Variants in MAPKAP1 observed in about 807,000 individuals in gnomAD.
The protein encoded by MAPKAP1 is target of rapamycin complex 2 subunit MAPKAP1.
MAPKAP1 carries 20 observed loss-of-function variants against 65.7 expected under a neutral mutation model. The observed-to-expected ratio is 0.30, with a 90% CI of 0.21 to 0.44. The LOEUF is 0.44. Ranked by LOEUF, MAPKAP1 falls within the 20% of genes least tolerant of loss-of-function variation. MAPKAP1 has a pLI of 1.00. For missense variants in MAPKAP1, 423 were observed against 648.0 expected (o/e 0.65, Z 3.77); for synonymous variants, 222 against 244.3 (o/e 0.91, Z 0.85).
At chr9:125,641,515 A>G (rs773830425) in intron 4 of MAPKAP1, among the ~76,000 whole-genome samples, 1 of 152,236 alleles carries the variant, frequency 6.6e-6, no homozygotes, top group Non-Finnish European at 1.5e-5. Context: ...TGAGTTTCTT[A>G]TAACTTCCCA....
At chr9:125,652,398 CCT>C (rs1413767396) in intron 4 of MAPKAP1, 14 of 460,098 alleles carry the variant, frequency 3.0e-5, no homozygotes, top group Non-Finnish European at 3.9e-5. Context: ...GAATATTTCC[CCT>C]GATACATTTT....
intron 1 of MAPKAP1, among the ~76,000 whole-genome samples, chr9:125,680,171 C>T (rs2131820834): frequency 6.6e-6 from 1 of 151,378 alleles, no homozygotes; most frequent in South Asian, 2.1e-4. Context: ...AATTCCTGTA[C>T]AGGAGTCCTT....
chr9:125,468,276 C>T (rs1853757269), intron 9 of MAPKAP1, among the ~76,000 whole-genome samples, 167 bp from the exon 10 acceptor site: 1 of 152,176 alleles, frequency 6.6e-6, no homozygotes, highest in Admixed American at 6.5e-5. Flanking sequence ...CATAAGGACA[C>T]TCCAAATGGC....
intron 4 of MAPKAP1, among the ~76,000 whole-genome samples, chr9:125,587,015 A>C (rs1831809044): frequency 6.6e-6 from 1 of 152,244 alleles, no homozygotes; most frequent in South Asian, 2.1e-4. Context: ...GGGAACGTAC[A>C]GTCTTTTCAA....
rs1340240852 is a variant in MAPKAP1 at position 125,543,225 on chromosome 9, T to C, written c.849-57A>G. On this transcript the variant is annotated intron_variant, in intron 6 of 11. Transcript: ENST00000265960. Reference sequence around the variant, plus strand: ...CAACATTCATCCAGAGAGATGTTACTGCAATCTTCACTGTGTTTAAGCAAG... The same window carrying C: ...CAACATTCATCCAGAGAGATGTTACCGCAATCTTCACTGTGTTTAAGCAAG... The C allele has an allele frequency of 2.4e-6, 3 of 1,266,452 alleles. No individual in the cohort carries two copies. In the East Asian group the frequency reaches 6.9e-5, roughly 29 times the overall value. 78.5% of individuals were successfully genotyped at this position (1,266,452 alleles called of 1,614,324 possible).
intron 1 of MAPKAP1, among the ~76,000 whole-genome samples, chr9:125,672,985 CTCATTACTTTATAAGG>C (rs1392712374): frequency 1.3e-5 from 2 of 152,200 alleles, no homozygotes; most frequent in Non-Finnish European, 2.9e-5. Context: ...ATGCAATCTT[CTCATTACTTTATAAGG>C]TCATGGGGGA....
At position 125,623,704 on chromosome 9, in the gene MAPKAP1, TG is replaced by T. The variant is rs1193823214; in HGVS notation, c.498+33946del. Among the ~76,000 whole-genome samples, 23 of 6,298 alleles carry T rather than the reference TG, an allele frequency of 3.7e-3. 2 individuals are homozygous for T. Among genetic ancestry groups the T allele is most frequent in the African/African-American group, 4.4e-3 (23 of 5,198 alleles). 4.1% of individuals were successfully genotyped at this position (6,298 alleles called of 152,430 possible). ...GCAGCCACCCCGTCCGGGAGGGAGG[TG>T]GGGGGGGGGTCAGCCCCCCGCCCGG... On this transcript the variant is annotated intron_variant, in intron 4 of 11. Coordinates refer to ENST00000265960, the MANE Select transcript of MAPKAP1 (RefSeq NM_001006617.3).
At chr9:125,655,439 GCA>G (rs1834002812) in intron 4 of MAPKAP1, among the ~76,000 whole-genome samples, 1 of 152,100 alleles carries the variant, frequency 6.6e-6, no homozygotes, top group Non-Finnish European at 1.5e-5. Context: ...CCATTATTAT[GCA>G]ATCACAAAAT....
At chr9:125,624,378 G>A (rs1370883139) in intron 4 of MAPKAP1, among the ~76,000 whole-genome samples, 1 of 79,964 alleles carries the variant, frequency 1.3e-5, no homozygotes, top group Admixed American at 1.1e-4. Flanking sequence ...CATCCGGGAG[G>A]GAGGTGGGGG....
intron 1 of MAPKAP1, among the ~76,000 whole-genome samples, chr9:125,673,038 TGCTAA>T (rs1036696622): frequency 3.3e-5 from 5 of 152,216 alleles, no homozygotes; most frequent in Non-Finnish European, 5.9e-5. Context: ...TCAAATGATG[TGCTAA>T]AGTACAAAAC....
intron 10 of MAPKAP1, among the ~76,000 whole-genome samples, chr9:125,459,951 G>C (rs190041537): frequency 2.0e-5 from 3 of 152,094 alleles, no homozygotes; most frequent in Non-Finnish European, 4.4e-5. Flanking sequence ...ATGTCTAAGA[G>C]AGTAACTTAA....
rs2131586919 is a variant in MAPKAP1, at chr9:125,589,541, A to G, written c.499-3814T>C. Among the ~76,000 whole-genome samples the G allele has an allele frequency of 1.3e-5, 2 of 152,286 alleles. 1 individual carries two copies. The highest frequency in any genetic ancestry group is 3.9e-4 in the East Asian group (2 of 5,188). ...TCTCCATCCCTCTTGCCCTTCCTCTATGGATCCATTTCCTGGTCATAGGTG... is the reference window on the plus strand; with the variant it reads ...TCTCCATCCCTCTTGCCCTTCCTCTGTGGATCCATTTCCTGGTCATAGGTG... On this transcript the variant is annotated intron_variant, in intron 4 of 11. Coordinates refer to ENST00000265960, the MANE Select transcript of MAPKAP1 (RefSeq NM_001006617.3).
chr9:125,549,672 T>C (rs576435416), intron 6 of MAPKAP1, among the ~76,000 whole-genome samples: 3 of 152,310 alleles, frequency 2.0e-5, no homozygotes, highest in Non-Finnish European at 4.4e-5. Context: ...GCCTTCTCCT[T>C]GTGTATCTTT....
chr9:125,483,574 G>T (rs1365232579), intron 9 of MAPKAP1, among the ~76,000 whole-genome samples: 1 of 152,240 alleles, frequency 6.6e-6, no homozygotes, highest in African/African-American at 2.4e-5. Context: ...TCAGCTCCCT[G>T]ACTGGGTGAG....
chr9:125,608,040 C>T (rs143936033), intron 4 of MAPKAP1, among the ~76,000 whole-genome samples: 134 of 152,284 alleles, frequency 8.8e-4, no homozygotes, highest in African/African-American at 2.9e-3. Flanking sequence ...GGGTATGTCA[C>T]GCCAGCGCCT....
chr9:125,590,750 C>T lies in MAPKAP1; in HGVS notation c.499-5023G>A, dbSNP rs192283047. On this transcript the variant is annotated intron_variant, in intron 4 of 11. Coordinates refer to ENST00000265960, the MANE Select transcript of MAPKAP1 (RefSeq NM_001006617.3). ...GCCTAATTATATCATTTAATTCATA[C>T]AATAACTCTAAGAAATAGGGTTCTA... Among the ~76,000 whole-genome samples, 8 of 152,074 alleles carry T rather than the reference C, an allele frequency of 5.3e-5. No homozygotes were observed. The East Asian group carries it at 1.2e-3, about 22-fold the overall frequency.
chr9:125,543,418 C>G (rs1349836961), intron 6 of MAPKAP1, among the ~76,000 whole-genome samples: 1 of 151,988 alleles, frequency 6.6e-6, no homozygotes, highest in African/African-American at 2.4e-5. Context: ...AGGCGCCCGC[C>G]ACTACATCCG....
intron 6 of MAPKAP1, among the ~76,000 whole-genome samples, chr9:125,544,596 C>T (rs551555082): frequency 1.3e-5 from 2 of 152,314 alleles, no homozygotes; most frequent in East Asian, 3.9e-4. Flanking sequence ...ACTCACTACA[C>T]TTGGGCACTG....
At chr9:125,584,986 T>A (rs763490582) in intron 5 of MAPKAP1, among the ~76,000 whole-genome samples, 1 of 152,094 alleles carries the variant, frequency 6.6e-6, no homozygotes, top group Non-Finnish European at 1.5e-5. Flanking sequence ...CATTAACTGA[T>A]AAAGAAAACT....
Sources: allele counts gnomAD v4.1 joint callset (sites outside exome capture counted in the v4.1 genomes callset), GRCh38; gene constraint gnomAD v4.1.1; transcripts MANE v1.5; gene names NCBI Gene and HGNC (gene_info 2026-07-23, HGNC 2026-07-21).